ROR2: variants seen among roughly 807,000 people sequenced by gnomAD.
ROR2 encodes tyrosine-protein kinase transmembrane receptor ROR2.
In ROR2, 33 loss-of-function variants were observed where a neutral mutation model predicts 74.9. The ratio of observed to expected loss-of-function variants is 0.44; its 90% CI spans 0.33 to 0.59. The LOEUF (loss-of-function observed/expected upper bound fraction) is 0.59, where lower values mean the gene tolerates loss of function less well. Ranked by LOEUF, ROR2 falls within the 20% of genes least tolerant of loss-of-function variation. The probability of loss-of-function intolerance (pLI) is 0.02; values close to 1 mark genes in which losing one functional copy is unlikely to be tolerated. For synonymous variants in ROR2, 586 were observed against 558.7 expected (o/e 1.05, Z -0.69); for missense variants, 1,216 against 1,313.8 (o/e 0.93, Z 1.15).
At chr9:91,879,175 C>T (rs1033909452) in intron 1 of ROR2, among the ~76,000 whole-genome samples, 9 of 151,940 alleles carry the variant, frequency 5.9e-5, no homozygotes, top group African/African-American at 1.9e-4. Flanking sequence ...ACCAAACGGA[C>T]ATAGGGCTCC....
At chr9:91,832,952 C>G (rs1360485091) in intron 1 of ROR2, among the ~76,000 whole-genome samples, 1 of 152,152 alleles carries the variant, frequency 6.6e-6, no homozygotes, top group East Asian at 1.9e-4. Context: ...AGTGCCAGAC[C>G]TGAGCCCTGC....
intron 1 of ROR2, among the ~76,000 whole-genome samples, chr9:91,877,761 C>T (rs1164922107): frequency 1.3e-5 from 2 of 152,190 alleles, no homozygotes; most frequent in Admixed American, 1.3e-4. Context: ...CACTTCATCT[C>T]CCAGGTTTAG....
At chr9:91,820,369 G>A (rs1231461181) in intron 1 of ROR2, among the ~76,000 whole-genome samples, 1 of 152,178 alleles carries the variant, frequency 6.6e-6, no homozygotes, top group Non-Finnish European at 1.5e-5. Flanking sequence ...GGCCCCAGCA[G>A]AGACCAATGG....
intron 1 of ROR2, among the ~76,000 whole-genome samples, chr9:91,916,899 G>A (rs751068089): frequency 6.6e-5 from 10 of 152,060 alleles, no homozygotes; most frequent in Non-Finnish European, 1.3e-4. Context: ...CAAAGAAGAG[G>A]CTTCACTAGA....
At position 91,726,847 on chromosome 9, in the gene ROR2, C is replaced by CGT. The variant is rs939115078; in HGVS notation, c.1184-106_1184-105dup. Reference sequence around the variant, plus strand: ...CCTCCAGCCAAAATCTTCACGTGCACGTGTGTCATCACCTAAGTTACACAA... The same window carrying CGT: ...CCTCCAGCCAAAATCTTCACGTGCACGTGTGTGTCATCACCTAAGTTACACAA... On this transcript the variant is annotated intron_variant, in intron 7 of 8. Coordinates refer to ENST00000375708, the MANE Select transcript of ROR2 (RefSeq NM_004560.4). 68 of 1,045,436 alleles carry CGT rather than the reference C, an allele frequency of 6.5e-5. 1 individual carries two copies. The highest frequency in any genetic ancestry group is 7.9e-5 in the Non-Finnish European group (54 of 686,750). 64.8% of individuals were successfully genotyped at this position (1,045,436 alleles called of 1,614,324 possible).
chr9:91,843,613 C>T (rs1388713341), intron 1 of ROR2, among the ~76,000 whole-genome samples: 1 of 152,194 alleles, frequency 6.6e-6, no homozygotes, highest in Non-Finnish European at 1.5e-5. Flanking sequence ...CTTGCTCGCA[C>T]TTAGAAATTA....
intron 1 of ROR2, among the ~76,000 whole-genome samples, chr9:91,826,783 C>CA (rs576119100): frequency 8.8e-4 from 108 of 123,338 alleles, no homozygotes; most frequent in African/African-American, 1.6e-3. Context: ...GACTCCGTCT[C>CA]AAAAAAAAAA....
chr9:91,879,442 G>C (rs1478701264), intron 1 of ROR2, among the ~76,000 whole-genome samples: 4 of 119,786 alleles, frequency 3.3e-5, no homozygotes, highest in Non-Finnish European at 6.4e-5. Flanking sequence ...GTGTGGGGGG[G>C]TGTGTGTGTG....
At chr9:91,840,399 G>T (rs1211480229) in intron 1 of ROR2, among the ~76,000 whole-genome samples, 1 of 152,102 alleles carries the variant, frequency 6.6e-6, no homozygotes, top group Non-Finnish European at 1.5e-5. Context: ...ACTTCCAAAG[G>T]CACCCTCCAG....
At chr9:91,794,237 C>T (rs1375358556) in intron 1 of ROR2, among the ~76,000 whole-genome samples, 1 of 152,242 alleles carries the variant, frequency 6.6e-6, no homozygotes, top group East Asian at 1.9e-4. Context: ...GTTTTGAGTG[C>T]TGGGCACTGG....
rs1825803570 is a variant in ROR2 at position 91,757,675 on chromosome 9, T to C, written c.176-116A>G. 2.9e-5 allele frequency: 32 copies of C among 1,091,908 alleles called. No homozygotes were observed. In the South Asian group the frequency reaches 4.1e-4, roughly 14 times the overall value. 67.6% of individuals were successfully genotyped at this position (1,091,908 alleles called of 1,614,324 possible). On this transcript the variant is annotated intron_variant, in intron 2 of 8. Transcript: ENST00000375708. Reference sequence around the variant, plus strand: ...GAAGGTTTCGATTTTTGTCACCTACTAAAATAGGTTGTTATCTGCGGTAAT... The same window carrying C: ...GAAGGTTTCGATTTTTGTCACCTACCAAAATAGGTTGTTATCTGCGGTAAT...
chr9:91,847,761 G>A (rs185946045), intron 1 of ROR2, among the ~76,000 whole-genome samples: 2 of 152,260 alleles, frequency 1.3e-5, no homozygotes, highest in South Asian at 2.1e-4. Context: ...GTCGCAGGAA[G>A]ACATCCTTCA....
rs148098645 is a variant in ROR2 at position 91,795,684 on chromosome 9, C to T, written c.98-19866G>A. On this transcript the variant is annotated intron_variant, in intron 1 of 8. Coordinates refer to ENST00000375708, the MANE Select transcript of ROR2 (RefSeq NM_004560.4). ...TTTCCTTGAGGCCTTTTTATTTTCA[C>T]AGCCAGAAGCCCTAAACTAATCAAT... 2.1e-3 allele frequency among the ~76,000 whole-genome samples: 325 copies of T among 152,266 alleles called. 3 individuals carry two copies. Among genetic ancestry groups the T allele is most frequent in the Non-Finnish European group, 3.5e-3 (235 of 68,018 alleles).
intron 1 of ROR2, among the ~76,000 whole-genome samples, chr9:91,802,220 C>A (rs1452136994): frequency 2.6e-5 from 4 of 151,484 alleles, no homozygotes; most frequent in African/African-American, 7.3e-5. Context: ...ACTACAGGCG[C>A]CCGCCACCAG....
chr9:91,792,440 C>T (rs1827025277), intron 1 of ROR2, among the ~76,000 whole-genome samples: 1 of 151,926 alleles, frequency 6.6e-6, no homozygotes, highest in Non-Finnish European at 1.5e-5. Context: ...TCCTGAGTAG[C>T]TGGGACTACA....
chr9:91,912,427 A>G (rs530902248), intron 1 of ROR2, among the ~76,000 whole-genome samples: 2 of 152,330 alleles, frequency 1.3e-5, no homozygotes, highest in African/African-American at 4.8e-5. Flanking sequence ...GGATATTGCA[A>G]TTACCTTGAC....
chr9:91,818,717 G>A (rs1828029521), intron 1 of ROR2, among the ~76,000 whole-genome samples: 2 of 152,288 alleles, frequency 1.3e-5, no homozygotes, highest in Middle Eastern at 3.4e-3. Flanking sequence ...AACAGAGTGG[G>A]CTCAGGGGGT....
At chr9:91,751,366 A>G (rs1186529073) in intron 4 of ROR2, among the ~76,000 whole-genome samples, 1 of 152,208 alleles carries the variant, frequency 6.6e-6, no homozygotes, top group Non-Finnish European at 1.5e-5. Flanking sequence ...TTTACAAGAG[A>G]CCTACATAAA....
chr9:91,767,080 G>A (rs7855073), intron 2 of ROR2, among the ~76,000 whole-genome samples: 14,891 of 140,184 alleles, frequency 0.11, 822 homozygotes, highest in Middle Eastern at 0.15. Flanking sequence ...ATGACTTACG[G>A]TTTTTTTTTT....
Sources: gnomAD v4.1 joint callset for allele counts (sites outside exome capture counted in the v4.1 genomes callset) on GRCh38, gnomAD v4.1.1 for gene constraint, MANE v1.5 for transcripts, NCBI Gene and HGNC (gene_info 2026-07-23, HGNC 2026-07-21) for gene names.